Variants in UBE4B observed in about 807,000 individuals in gnomAD.
UBE4B encodes the protein ubiquitin conjugation factor E4 B.
A neutral mutation model predicts 148.1 loss-of-function variants in UBE4B; 27 were observed. The observed-to-expected ratio is 0.18, with a 90% CI of 0.13 to 0.25. The LOEUF is 0.25. Ranked by LOEUF, UBE4B falls within the 10% of genes least tolerant of loss-of-function variation. The probability of loss-of-function intolerance (pLI) is 1.00; values close to 1 mark genes in which losing one functional copy is unlikely to be tolerated. For missense variants in UBE4B, 1,170 were observed against 1,662.4 expected (o/e 0.70, Z 5.15); for synonymous variants, 596 against 619.3 (o/e 0.96, Z 0.56).
In UBE4B at chr1:10,179,844, G is replaced by A. The variant is rs139720343; in HGVS notation, c.3848-51G>A. On this transcript the variant is annotated intron_variant, in intron 27 of 27. Transcript: ENST00000343090. Reference sequence around the variant, plus strand: ...ACAGAGCGACAAGCATCCTCTCTCAGGAAGAGCCCTCCCATCTGGGGCATT... The same window carrying A: ...ACAGAGCGACAAGCATCCTCTCTCAAGAAGAGCCCTCCCATCTGGGGCATT... 5.6e-6 allele frequency: 9 copies of A among 1,603,784 alleles called. No individual in the cohort carries two copies. The East Asian group carries it at 1.8e-4, about 32-fold the overall frequency.
rs142750891 is a variant in UBE4B, at chr1:10,161,065, G to A, written c.3054-77G>A. On this transcript the variant is annotated intron_variant, in intron 22 of 27. Coordinates refer to ENST00000343090, the MANE Select transcript of UBE4B (RefSeq NM_001105562.3). The surrounding 1 kb of genome is among the most constrained non-coding windows in gnomAD (Gnocchi z 4.1). ...AGATAGTTGCAGTCTGGGTGGAGGT[G>A]CTTGTTCCCTGGGATTTGCTGTGGC... 2.0e-3 allele frequency: 3,109 copies of A among 1,544,706 alleles called. 2 individuals are homozygous for A. The highest frequency in any genetic ancestry group is 2.6e-3 in the Non-Finnish European group (2,925 of 1,132,476).
chr1:10,151,641 T>A (rs1570987622), intron 21 of UBE4B, 80 bp downstream of exon 21: 1 of 1,230,480 alleles, frequency 8.1e-7, no homozygotes, highest in Non-Finnish European at 1.2e-6. Flanking sequence ...GACGTTGCTC[T>A]AAGCCTGTTA....
chr1:10,062,099 G>A (rs148032713), intron 1 of UBE4B, among the ~76,000 whole-genome samples: 2,186 of 151,454 alleles, frequency 0.014, 48 homozygotes, highest in South Asian at 0.081. Context: ...TAGTAGAGAC[G>A]GTGTTTCACC....
intron 1 of UBE4B, among the ~76,000 whole-genome samples, chr1:10,067,259 C>T (rs1438606746): frequency 2.0e-5 from 3 of 151,908 alleles, no homozygotes; most frequent in Non-Finnish European, 4.4e-5. Flanking sequence ...ATTTTAATGT[C>T]GTTTGTGAAA....
chr1:10,144,958 A>T lies in UBE4B; in HGVS notation c.2382A>T (p.Lys794Asn), dbSNP rs777726502. The part of the protein sequence containing the change: ...RELNRTVEDL[K>N]NNESQWKDSP... ...ATTTCAGAACTGTAGAAGATTTGAAAAATAATGAAAGCCAATGGAAAGATT... is the reference window on the plus strand; with the variant it reads ...ATTTCAGAACTGTAGAAGATTTGAATAATAATGAAAGCCAATGGAAAGATT... The change falls in exon 18 of 28, where the codon AAA becomes AAT. Residue 794 changes from lysine to asparagine, a missense_variant. By Grantham distance (94) the Lys-to-Asn change is moderately conservative. This residue lies in a region of UBE4B where 388 missense variants were observed against 536.0 expected (regional missense o/e 0.72). Coordinates refer to ENST00000343090, the MANE Select transcript of UBE4B (RefSeq NM_001105562.3). The T allele has an allele frequency of 3.7e-6, 6 of 1,613,656 alleles. No individual in the cohort carries two copies. Among genetic ancestry groups the T allele is most frequent in the Non-Finnish European group, 5.1e-6 (6 of 1,179,756 alleles).
intron 25 of UBE4B, among the ~76,000 whole-genome samples, chr1:10,175,455 T>G (rs778541952): frequency 1.8e-4 from 27 of 151,260 alleles, no homozygotes; most frequent in South Asian, 6.3e-4. Flanking sequence ...ATCGAGACCG[T>G]CCTGGCTAAC....
chr1:10,095,512 C>T lies in UBE4B; in HGVS notation c.263C>T (p.Ser88Leu). 6.2e-7 allele frequency: 1 copy of T among 1,614,148 alleles called. No homozygotes were observed. The highest frequency in any genetic ancestry group is 8.5e-7 in the Non-Finnish European group (1 of 1,180,042). Residue 88 changes from serine (S) to leucine (L), a missense_variant, in exon 3 of 28, where the codon TCG becomes TTG. Transcript: ENST00000343090. ...GAAGGAGTCAGTTCTCTCAGCAGCT[C>T]GCCCTCTAATAGCCTTGAAACGCAA... ...SSEGVSSLSSSPSNSLETQSQ... is the reference protein window; with the variant it reads ...SSEGVSSLSSLPSNSLETQSQ...
chr1:10,071,429 A>C (rs1332118574), intron 1 of UBE4B, among the ~76,000 whole-genome samples: 1 of 152,144 alleles, frequency 6.6e-6, no homozygotes, highest in Non-Finnish European at 1.5e-5. Context: ...CAAAAATTAA[A>C]AAAAATTAAT....
In UBE4B at chr1:10,106,200, C is replaced by A. The variant is rs749475668; in HGVS notation, c.813C>A (p.Leu271=). The A allele has an allele frequency of 6.3e-7, 1 of 1,594,014 alleles. No homozygotes were observed. Among genetic ancestry groups the A allele is most frequent in the Admixed American group, 1.7e-5 (1 of 58,042 alleles). ...ASFGASSLSS[L]YESSPAPTPS... ...CTCCCTTTCTCAACTAATTTAGCCT[C>A]TATGAAAGTAGTCCGGCTCCCACTC... is the stretch of plus-strand genomic sequence containing the variant. The change falls in exon 7 of 28, where the codon CTC becomes CTA. Residue 271 remains leucine (L), a synonymous_variant. Transcript: ENST00000343090. This position sits in a 1 kb window ranked among gnomAD's most constrained non-coding sequence, Gnocchi z 4.2.
At chr1:10,104,822 A>G (rs1417593423) in intron 5 of UBE4B, among the ~76,000 whole-genome samples, 1 of 152,256 alleles carries the variant, frequency 6.6e-6, no homozygotes, top group African/African-American at 2.4e-5. Context: ...ACACATGTTA[A>G]GTGGCAACTC....
chr1:10,040,611 CTTCTTTT>C (rs914650601), intron 1 of UBE4B, among the ~76,000 whole-genome samples: 1 of 150,306 alleles, frequency 6.7e-6, no homozygotes, highest in Non-Finnish European at 1.5e-5. Flanking sequence ...CCATTTCTTT[CTTCTTTT>C]TTCTTTTTTT....
chr1:10,082,285 A>C (rs1011066486), intron 2 of UBE4B, among the ~76,000 whole-genome samples: 3 of 151,648 alleles, frequency 2.0e-5, no homozygotes, highest in Non-Finnish European at 4.4e-5. Context: ...GATCGCTTGA[A>C]CCCAGGGGTT....
intron 23 of UBE4B, among the ~76,000 whole-genome samples, chr1:10,167,130 T>C (rs1198472488): frequency 6.9e-6 from 1 of 145,358 alleles, no homozygotes; most frequent in South Asian, 2.2e-4. Context: ...AGACTCCATC[T>C]CAAAAAAAAA....
intron 21 of UBE4B, among the ~76,000 whole-genome samples, chr1:10,154,524 A>G (rs1646035381): frequency 6.6e-6 from 1 of 152,172 alleles, no homozygotes; most frequent in Non-Finnish European, 1.5e-5. Context: ...CATTATTTAT[A>G]AAGCAGTGCA....
chr1:10,085,529 G>C (rs1644750862), intron 2 of UBE4B, among the ~76,000 whole-genome samples: 1 of 152,148 alleles, frequency 6.6e-6, no homozygotes, highest in South Asian at 2.1e-4. Flanking sequence ...GATAAGATTT[G>C]TCACTGTTTT....
chr1:10,082,219 C>G (rs1364614322), intron 2 of UBE4B, among the ~76,000 whole-genome samples: 1 of 152,038 alleles, frequency 6.6e-6, no homozygotes, highest in African/African-American at 2.4e-5. Flanking sequence ...AAATACCCAG[C>G]TGGGCATGGT....
At chr1:10,116,350 T>G (rs1186692269) in intron 7 of UBE4B, among the ~76,000 whole-genome samples, 1 of 151,900 alleles carries the variant, frequency 6.6e-6, no homozygotes, top group Non-Finnish European at 1.5e-5. Flanking sequence ...GCCCTGTTGG[T>G]CAGGCTGGTC....
rs754119546 is a variant in UBE4B, at chr1:10,130,525, C to T, written c.1721C>T (p.Pro574Leu). Residue 574 changes from proline (P) to leucine (L), a missense_variant, in exon 13 of 28, where the codon CCG becomes CTG. Physicochemically the swap from Pro to Leu is moderately conservative, Grantham distance 98 (BLOSUM62 -3). Transcript: ENST00000343090. ...GTTGCTTCTTTGCGGTTGTGGTTGC[C>T]GAAATCCTTAAGTCCTGGCTGTGGG... ...NLVASLRLWL[P>L]KSLSPGCGRE... 10 of 1,614,062 alleles carry T rather than the reference C, an allele frequency of 6.2e-6. No individual in the cohort carries two copies. The highest frequency in any genetic ancestry group is 5.0e-5 in the Admixed American group (3 of 59,994).
intron 14 of UBE4B, 110 bp downstream of exon 14, chr1:10,130,923 C>A: frequency 1.1e-6 from 1 of 878,896 alleles, no homozygotes; most frequent in Non-Finnish European, 1.8e-6. Flanking sequence ...CTAACAAAAG[C>A]CAATTCGATC....
Sources: gnomAD v4.1 joint callset for allele counts (sites outside exome capture counted in the v4.1 genomes callset) on GRCh38, gnomAD v4.1.1 for gene constraint, gnomAD v4.1.1 regional missense constraint, Gnocchi (gnomAD v3.1) non-coding constraint, MANE v1.5 for transcripts, NCBI Gene and HGNC (gene_info 2026-07-23, HGNC 2026-07-21) for gene names.